XRRA1: variants seen among roughly 807,000 people sequenced by gnomAD.
XRRA1 encodes the protein X-ray radiation resistance associated 1.
Under a neutral mutation model 80.2 loss-of-function variants are expected in XRRA1, and 69 were observed. That is an observed-to-expected ratio of 0.86 (90% CI 0.71 to 1.05). The LOEUF (loss-of-function observed/expected upper bound fraction) is 1.05, where lower values mean the gene tolerates loss of function less well. XRRA1 is among the 50% of genes least tolerant of loss of function. The pLI is 0.00. For missense variants in XRRA1, 967 were observed against 976.4 expected, an observed-to-expected ratio of 0.99 and a Z score of 0.13; for synonymous variants, 348 against 389.9, an observed-to-expected ratio of 0.89 and a Z score of 1.27.
intron 2 of XRRA1, among the ~76,000 whole-genome samples, chr11:74,941,494 A>G (rs913069629): frequency 2.4e-4 from 36 of 152,168 alleles, no homozygotes; most frequent in African/African-American, 8.0e-4. Flanking sequence ...GTAAAGAAAC[A>G]ATGTGACCCA....
chr11:74,890,645 T>C (rs539445384), intron 10 of XRRA1, among the ~76,000 whole-genome samples: 294 of 151,402 alleles, frequency 1.9e-3, no homozygotes, highest in African/African-American at 6.6e-3. Flanking sequence ...ACAAAATTGA[T>C]AGACCGCTAG....
chr11:74,843,226 G>T lies in XRRA1; in HGVS notation c.2377C>A (p.Pro793Thr). The T allele has an allele frequency of 6.4e-7, 1 of 1,559,280 alleles. No homozygotes were observed. ...LEFMDEFCQEPTASDSQG is the reference protein window; with the variant it reads ...LEFMDEFCQETTASDSQG ...TAGCCTTGTGAGTCACTGGCTGTGGGCTCCTGGCAGAACTCATCCATGAAC... is the reference window on the plus strand; with the variant it reads ...TAGCCTTGTGAGTCACTGGCTGTGGTCTCCTGGCAGAACTCATCCATGAAC... Residue 793 changes from proline (P) to threonine (T), a missense_variant, in exon 19 of 19, where the codon CCC becomes ACC. Pro to Thr is a conservative substitution (Grantham distance 38). Coordinates refer to ENST00000684022, the MANE Select transcript of XRRA1 (RefSeq NM_001378157.1).
intron 10 of XRRA1, among the ~76,000 whole-genome samples, chr11:74,869,294 A>C (rs2044221871): frequency 6.6e-6 from 1 of 152,240 alleles, no homozygotes; most frequent in South Asian, 2.1e-4. Context: ...TTGAAACTAA[A>C]GGAGAACAAA....
chr11:74,946,754 C>G (rs1591697983), intron 1 of XRRA1, among the ~76,000 whole-genome samples: 2 of 141,606 alleles, frequency 1.4e-5, no homozygotes, highest in Non-Finnish European at 3.1e-5. Context: ...ACCTCTTTTT[C>G]TTTTTTTTTT....
rs563524831 is a variant in XRRA1 at position 74,842,818 on chromosome 11, T to G, written c.*382A>C. On this transcript the variant is annotated 3_prime_UTR_variant, in exon 19 of 19. Transcript: ENST00000684022. ...TTTTTGGAGCCATTGTTCAGGAATT[T>G]GTTAAGATCCCCTTGGTGTCAGTTT... 9.3e-4 allele frequency: 195 copies of G among 208,772 alleles called. No homozygotes were observed. Among genetic ancestry groups the G allele is most frequent in the Non-Finnish European group, 1.6e-3 (163 of 103,996 alleles). 12.9% of individuals were successfully genotyped at this position (208,772 alleles called of 1,614,324 possible).
intron 14 of XRRA1, 150 bp downstream of exon 14, chr11:74,850,938 C>T: frequency 2.0e-6 from 1 of 509,222 alleles, no homozygotes; most frequent in South Asian, 2.8e-5. Flanking sequence ...AGTGCTCTTC[C>T]CAAAGCAAGG....
At chr11:74,880,992 G>A (rs1233520014) in intron 10 of XRRA1, among the ~76,000 whole-genome samples, 1 of 146,550 alleles carries the variant, frequency 6.8e-6, no homozygotes, top group Non-Finnish European at 1.5e-5. Flanking sequence ...TTGGTGCAGA[G>A]CTGAGTTCAA....
intron 8 of XRRA1, among the ~76,000 whole-genome samples, chr11:74,908,838 T>C (rs919825170): frequency 6.6e-6 from 1 of 152,138 alleles, no homozygotes; most frequent in Non-Finnish European, 1.5e-5. Context: ...AAAAATAATC[T>C]CTTCGTGGCT....
At chr11:74,911,087 TATAAAG>T (rs761120145) in intron 8 of XRRA1, among the ~76,000 whole-genome samples, 17 of 151,686 alleles carry the variant, frequency 1.1e-4, no homozygotes, top group Non-Finnish European at 2.1e-4. Context: ...CAATAAAGAG[TATAAAG>T]ATAAAGAAAA....
chr11:74,937,985 T>C (rs1196693029), intron 3 of XRRA1, among the ~76,000 whole-genome samples: 1 of 152,198 alleles, frequency 6.6e-6, no homozygotes, highest in African/African-American at 2.4e-5. Context: ...ATTCCTATCT[T>C]TTCTGAGCAT....
At chr11:74,942,771 A>G (rs1241914105) in intron 2 of XRRA1, among the ~76,000 whole-genome samples, 1 of 152,260 alleles carries the variant, frequency 6.6e-6, no homozygotes, top group East Asian at 1.9e-4. Context: ...TGATGATTAC[A>G]GGAGAAAATG....
At chr11:74,844,907 T>C (rs1424625472) in intron 16 of XRRA1, among the ~76,000 whole-genome samples, 166 bp downstream of exon 16, 2 of 152,232 alleles carry the variant, frequency 1.3e-5, no homozygotes, top group Non-Finnish European at 2.9e-5. Context: ...TATGTGGGGC[T>C]TCAAACAAAG....
Position 74,874,898 on chromosome 11 carries a change from G to A in XRRA1, c.1004-11877C>T, listed in dbSNP as rs182826653. 5.0e-3 allele frequency among the ~76,000 whole-genome samples: 763 copies of A among 152,286 alleles called. 5 individuals carry two copies. Among genetic ancestry groups the A allele is most frequent in the African/African-American group, 0.017 (721 of 41,544 alleles). ...TTGTGGAACAAGGAGTCTGTAAGGT[G>A]GGATATGCAATGTACACTCTGAATG... On this transcript the variant is annotated intron_variant, in intron 10 of 18. Coordinates refer to ENST00000684022, the MANE Select transcript of XRRA1 (RefSeq NM_001378157.1).
chr11:74,848,334 A>C lies in XRRA1; in HGVS notation c.1509T>G (p.Thr503=). The change falls in exon 15 of 19, where the codon ACT becomes ACG. Residue 503 remains threonine, a synonymous_variant. Transcript: ENST00000684022. The part of the protein sequence containing the change: ...PEAELAEDLP[T]TKSTSVESEM... The stretch of plus-strand genomic sequence containing the variant: ...CTGACTCCACAGAAGTGCTTTTGGT[A>C]GTGGGCAGATCTTCAGCCAGCTCTG... The C allele has an allele frequency of 1.9e-6, 3 of 1,613,930 alleles. No homozygotes were observed. The highest frequency in any genetic ancestry group is 2.5e-6 in the Non-Finnish European group (3 of 1,179,846).
In XRRA1 at chr11:74,895,059, A is replaced by T. The variant is rs529845656; in HGVS notation, c.1003+11180T>A. Among the ~76,000 whole-genome samples, 5 of 152,304 alleles carry T rather than the reference A, an allele frequency of 3.3e-5. No homozygotes were observed. In the South Asian group the frequency reaches 1.0e-3, roughly 32 times the overall value. On this transcript the variant is annotated intron_variant, in intron 10 of 18. Coordinates refer to ENST00000684022, the MANE Select transcript of XRRA1 (RefSeq NM_001378157.1). ...CCCGTCCCCTAAACACCAAATTTTAACAGTTATCTACACACTGAATAGCAC... is the reference window on the plus strand; with the variant it reads ...CCCGTCCCCTAAACACCAAATTTTATCAGTTATCTACACACTGAATAGCAC...
chr11:74,852,391 G>C (rs1318789424), intron 12 of XRRA1, among the ~76,000 whole-genome samples: 4 of 152,136 alleles, frequency 2.6e-5, no homozygotes, highest in Non-Finnish European at 5.9e-5. Flanking sequence ...TAGGGAAGCT[G>C]GTGGCAAAAT....
At chr11:74,919,730 G>T in intron 8 of XRRA1, 1 of 471,622 alleles carries the variant, frequency 2.1e-6, no homozygotes. Flanking sequence ...CACTCAAAGA[G>T]ATTCGGAAAT....
At chr11:74,945,804 A>T (rs572528099) in intron 1 of XRRA1, among the ~76,000 whole-genome samples, 36 of 150,618 alleles carry the variant, frequency 2.4e-4, no homozygotes, top group Middle Eastern at 3.4e-3. Flanking sequence ...TCTCTCTCTC[A>T]CACACACACA....
chr11:74,938,331 G>A (rs1945522531), intron 3 of XRRA1, among the ~76,000 whole-genome samples: 1 of 152,120 alleles, frequency 6.6e-6, no homozygotes, highest in African/African-American at 2.4e-5. Context: ...CCCCATCTGG[G>A]GCATGAACTT....
Sources: gnomAD v4.1 joint callset for allele counts (sites outside exome capture counted in the v4.1 genomes callset) on GRCh38, gnomAD v4.1.1 for gene constraint, MANE v1.5 for transcripts, NCBI Gene and HGNC (gene_info 2026-07-23, HGNC 2026-07-21) for gene names.